Variants in SPAG16 observed in about 807,000 individuals in gnomAD.
The protein encoded by SPAG16 is sperm-associated antigen 16 protein.
Under a neutral mutation model 80.4 loss-of-function variants are expected in SPAG16, and 86 were observed. The ratio of observed to expected loss-of-function variants is 1.07; its 90% CI spans 0.90 to 1.28. The LOEUF is 1.28. Among genes scored for constraint, SPAG16 ranks in the 50% most tolerant of loss-of-function variants. SPAG16 has a pLI of 0.00. For synonymous variants in SPAG16, 294 were observed against 265.9 expected (o/e 1.11, Z -1.03); for missense variants, 870 against 765.3 (o/e 1.14, Z -1.61).
rs111654680 is a variant in SPAG16 at position 213,556,894 on chromosome 2, C to A, written c.1070+66804C>A. 7.9e-4 allele frequency among the ~76,000 whole-genome samples: 120 copies of A among 151,948 alleles called. 2 individuals carry two copies. Among genetic ancestry groups the A allele is most frequent in the Middle Eastern group, 3.4e-3 (1 of 294 alleles). ...TAAGAAGATTAAAATGATCAAGTAT[C>A]TTTTTTTTGAAGATGTTCTTTCTTC... On this transcript the variant is annotated intron_variant, in intron 10 of 15. Coordinates refer to ENST00000331683, the MANE Select transcript of SPAG16 (RefSeq NM_024532.5).
At chr2:213,928,638 T>A (rs1443421337) in intron 11 of SPAG16, among the ~76,000 whole-genome samples, 1 of 152,224 alleles carries the variant, frequency 6.6e-6, no homozygotes, top group East Asian at 1.9e-4. Flanking sequence ...CATAATTTCA[T>A]TCATGCTTGC....
chr2:213,722,287 C>A (rs2066565175), intron 10 of SPAG16, among the ~76,000 whole-genome samples: 1 of 152,168 alleles, frequency 6.6e-6, no homozygotes, highest in South Asian at 2.1e-4. Flanking sequence ...AACAAAGTAT[C>A]TCTTTTTCTT....
intron 7 of SPAG16, among the ~76,000 whole-genome samples, chr2:213,361,679 T>A (rs368437806): frequency 9.4e-4 from 88 of 93,170 alleles, no homozygotes; most frequent in Non-Finnish European, 1.3e-3. Flanking sequence ...AAAAAAAAAC[T>A]CAACATAATA....
chr2:213,660,256 G>A (rs2063369443), intron 10 of SPAG16, among the ~76,000 whole-genome samples: 1 of 151,566 alleles, frequency 6.6e-6, no homozygotes, highest in Non-Finnish European at 1.5e-5. Context: ...ACAACAGAGT[G>A]GCTATTAGTG....
At chr2:213,508,548 C>T (rs1196845025) in intron 10 of SPAG16, among the ~76,000 whole-genome samples, 8 of 151,990 alleles carry the variant, frequency 5.3e-5, no homozygotes, top group African/African-American at 1.7e-4. Context: ...GTCTGCAGTC[C>T]GGCCTGGGCG....
At chr2:213,385,509 T>A in intron 9 of SPAG16, among the ~76,000 whole-genome samples, 1 of 152,178 alleles carries the variant, frequency 6.6e-6, no homozygotes, top group East Asian at 1.9e-4. Flanking sequence ...TCCTTGGAAG[T>A]AGTTCTTTTC....
At chr2:214,090,560 T>A (rs937731604) in intron 13 of SPAG16, among the ~76,000 whole-genome samples, 1 of 151,786 alleles carries the variant, frequency 6.6e-6, no homozygotes, top group Non-Finnish European at 1.5e-5. Context: ...AATAAAATAA[T>A]GGGCTATTGT....
chr2:213,607,066 T>C (rs954113082), intron 10 of SPAG16, among the ~76,000 whole-genome samples: 1 of 152,194 alleles, frequency 6.6e-6, no homozygotes, highest in Non-Finnish European at 1.5e-5. Flanking sequence ...GTTTGGTAGA[T>C]GAAAGAAGAG....
intron 9 of SPAG16, among the ~76,000 whole-genome samples, chr2:213,431,393 T>G (rs982867278): frequency 3.3e-5 from 5 of 151,710 alleles, no homozygotes; most frequent in Non-Finnish European, 7.4e-5. Flanking sequence ...AACTACATGC[T>G]GCTTACTGGT....
chr2:213,858,123 A>G (rs1559526980), intron 10 of SPAG16, among the ~76,000 whole-genome samples: 2 of 152,208 alleles, frequency 1.3e-5, no homozygotes. Flanking sequence ...ACATTGTTGA[A>G]ATAACAATGA....
chr2:213,751,717 G>A (rs1438169469), intron 10 of SPAG16, among the ~76,000 whole-genome samples: 2 of 152,190 alleles, frequency 1.3e-5, no homozygotes, highest in Non-Finnish European at 2.9e-5. Flanking sequence ...CTTTTGGGCA[G>A]TGGCTGTCTT....
intron 14 of SPAG16, among the ~76,000 whole-genome samples, chr2:214,129,391 C>G (rs1047922985): frequency 6.6e-6 from 1 of 152,114 alleles, no homozygotes; most frequent in Admixed American, 6.6e-5. Context: ...CCTTTGTTAC[C>G]TAATATGCAG....
intron 13 of SPAG16, among the ~76,000 whole-genome samples, chr2:214,102,392 T>G (rs10490496): frequency 0.089 from 13,546 of 152,052 alleles, 786 homozygotes; most frequent in East Asian, 0.29. Flanking sequence ...GTGAATATAA[T>G]TGAACCCTGA....
chr2:214,139,454 T>C (rs1046611398), intron 14 of SPAG16, among the ~76,000 whole-genome samples: 2 of 152,066 alleles, frequency 1.3e-5, no homozygotes, highest in African/African-American at 4.8e-5. Context: ...TTATCTCTTA[T>C]TATTTTAATA....
intron 7 of SPAG16, among the ~76,000 whole-genome samples, chr2:213,357,387 G>A (rs1485807478): frequency 4.6e-5 from 7 of 152,144 alleles, no homozygotes; most frequent in African/African-American, 1.7e-4. Context: ...TTGTGTGGGA[G>A]TCTAAGTCTC....
At chr2:213,520,762 AC>A (rs1481019870) in intron 10 of SPAG16, among the ~76,000 whole-genome samples, 2 of 152,204 alleles carry the variant, frequency 1.3e-5, no homozygotes, top group Non-Finnish European at 2.9e-5. Context: ...TTTATTGTTC[AC>A]TTAAGTAACT....
chr2:213,294,850 C>T (rs539190912), intron 1 of SPAG16, among the ~76,000 whole-genome samples: 8 of 152,244 alleles, frequency 5.3e-5, no homozygotes, highest in African/African-American at 1.7e-4. Flanking sequence ...ATGGTGAAAC[C>T]TAAACATCTG....
At chr2:213,661,650 A>G (rs2125184831) in intron 10 of SPAG16, among the ~76,000 whole-genome samples, 4 of 152,330 alleles carry the variant, frequency 2.6e-5, no homozygotes. Context: ...TTCAGGTTCT[A>G]CTGCTACTTT....
chr2:213,896,587 C>T (rs62191880), intron 11 of SPAG16, among the ~76,000 whole-genome samples: 81,975 of 127,830 alleles, frequency 0.64, 25,529 homozygotes, highest in South Asian at 0.85. Flanking sequence ...TATACACACA[C>T]ACACGCACAC....
Sources: gnomAD v4.1 joint callset for allele counts (sites outside exome capture counted in the v4.1 genomes callset) on GRCh38, gnomAD v4.1.1 for gene constraint, MANE v1.5 for transcripts, NCBI Gene and HGNC (gene_info 2026-07-23, HGNC 2026-07-21) for gene names.